Variants in PDE9A observed in about 807,000 individuals in gnomAD.
The protein encoded by PDE9A is high affinity cGMP-specific 3',5'-cyclic phosphodiesterase 9A.
A neutral mutation model predicts 87.4 loss-of-function variants in PDE9A; 60 were observed. The ratio of observed to expected loss-of-function variants is 0.69; its 90% CI spans 0.56 to 0.85. PDE9A has a LOEUF of 0.85. Ranked by LOEUF, PDE9A falls within the 40% of genes least tolerant of loss-of-function variation. The pLI, the probability that PDE9A is intolerant of heterozygous loss-of-function variation, is 0.00. For synonymous variants in PDE9A, 272 were observed against 279.4 expected (o/e 0.97, Z 0.27); for missense variants, 665 against 779.0 (o/e 0.85, Z 1.74).
intron 1 of PDE9A, among the ~76,000 whole-genome samples, chr21:42,677,564 C>G (rs1177439557): frequency 6.6e-6 from 1 of 152,220 alleles, no homozygotes; most frequent in African/African-American, 2.4e-5. Flanking sequence ...CACATCAACA[C>G]TGTTCTTTTG....
chr21:42,700,906 T>A (rs930967316), intron 4 of PDE9A: 10 of 152,210 alleles, frequency 6.6e-5, no homozygotes, highest in African/African-American at 2.4e-4. Context: ...GTACTCTAAG[T>A]TATCTCTGGT....
At chr21:42,768,560 T>C in intron 16 of PDE9A, 1 of 1,281,822 alleles carries the variant, frequency 7.8e-7, no homozygotes, top group Non-Finnish European at 9.9e-7. Context: ...CAAGCAGCCT[T>C]GTCAAACAAA....
chr21:42,673,205 A>G (rs187323457), intron 1 of PDE9A, among the ~76,000 whole-genome samples: 1 of 152,296 alleles, frequency 6.6e-6, no homozygotes, highest in African/African-American at 2.4e-5. Flanking sequence ...AGCTGGTAGG[A>G]GGAGGGACTG....
rs569311639 is a variant in PDE9A at position 42,758,949 on chromosome 21, G to A, written c.811-50G>A. The A allele has an allele frequency of 1.7e-5, 24 of 1,416,770 alleles. No homozygotes were observed. The African/African-American group carries it at 3.2e-4, about 19-fold the overall frequency. 87.8% of individuals were successfully genotyped at this position (1,416,770 alleles called of 1,614,324 possible). A position where few individuals can be genotyped will look rare whatever the true frequency, so the allele number is the denominator to read the frequency against. On this transcript the variant is annotated intron_variant, in intron 10 of 19. Coordinates refer to ENST00000291539, the MANE Select transcript of PDE9A (RefSeq NM_002606.3). ...CAGAGGGAAGGAAGCCAGGGGCTGG[G>A]GAGCCGGCCACACAACTGCCCAGTG...
intron 4 of PDE9A, among the ~76,000 whole-genome samples, chr21:42,726,376 A>G (rs62213364): frequency 0.11 from 16,763 of 149,452 alleles, 1,160 homozygotes; most frequent in East Asian, 0.33. Context: ...AAGTCTAAGA[A>G]CTCCCCACCT....
chr21:42,680,120 G>A (rs866155715), intron 1 of PDE9A, among the ~76,000 whole-genome samples: 1 of 152,324 alleles, frequency 6.6e-6, no homozygotes, highest in South Asian at 2.1e-4. Context: ...CTGCCCCCGG[G>A]CTCAGGGCCC....
chr21:42,728,524 T>C (rs529394496), intron 4 of PDE9A, among the ~76,000 whole-genome samples: 2 of 152,374 alleles, frequency 1.3e-5, no homozygotes, highest in East Asian at 3.9e-4. Context: ...TGAGCCAACC[T>C]TATATCCCCA....
In PDE9A at chr21:42,769,222, CACACATAT is replaced by C. The variant is rs1220260736; in HGVS notation, c.1590+76_1590+83del. On this transcript the variant is annotated intron_variant, in intron 17 of 19. Transcript: ENST00000291539. Reference sequence around the variant, plus strand: ...ATACATGCATGCACACACAGGCACACACACATATACACATATGCACACAGGTACACACA... The same window carrying C: ...ATACATGCATGCACACACAGGCACACACACATATGCACACAGGTACACACA... 92 of 1,410,438 alleles carry C rather than the reference CACACATAT, an allele frequency of 6.5e-5. 1 individual carries two copies. The highest frequency in any genetic ancestry group is 5.2e-4 in the African/African-American group (37 of 71,028). 87.4% of individuals were successfully genotyped at this position (1,410,438 alleles called of 1,614,324 possible).
At chr21:42,766,423 C>T (rs890425068) in intron 15 of PDE9A, among the ~76,000 whole-genome samples, 1 of 152,164 alleles carries the variant, frequency 6.6e-6, no homozygotes. Context: ...AGGTGCACCC[C>T]TGGCATTCTT....
rs145975836 is a variant in PDE9A, at chr21:42,655,149, AAC to A, written c.69+1275_69+1276del. The stretch of plus-strand genomic sequence containing the variant: ...TCCAATGCTCACACATCCACTCACA[AAC>A]ACACACACGCACACACGTGCATACA... On this transcript the variant is annotated intron_variant, in intron 1 of 19. Coordinates refer to ENST00000291539, the MANE Select transcript of PDE9A (RefSeq NM_002606.3). 1.8e-3 allele frequency among the ~76,000 whole-genome samples: 271 copies of A among 151,954 alleles called. 4 individuals are homozygous for A. The East Asian group carries it at 0.028, about 16-fold the overall frequency.
chr21:42,718,291 A>C (rs1460818530), intron 4 of PDE9A, among the ~76,000 whole-genome samples: 1 of 151,456 alleles, frequency 6.6e-6, no homozygotes, highest in African/African-American at 2.4e-5. Context: ...TTTTCTTCTT[A>C]TTTATCCTTC....
intron 4 of PDE9A, among the ~76,000 whole-genome samples, chr21:42,701,629 G>C (rs2048395384): frequency 6.6e-6 from 1 of 151,762 alleles, no homozygotes; most frequent in Non-Finnish European, 1.5e-5. Context: ...TAGGGACAAG[G>C]TCTTACAGTA....
intron 8 of PDE9A, among the ~76,000 whole-genome samples, chr21:42,745,971 G>A (rs1183197692): frequency 6.6e-6 from 1 of 152,238 alleles, no homozygotes; most frequent in Non-Finnish European, 1.5e-5. Context: ...TCCCGAAGCT[G>A]CCCCCAGCTC....
chr21:42,766,964 AC>A (rs1182197666), intron 15 of PDE9A, among the ~76,000 whole-genome samples: 2 of 151,508 alleles, frequency 1.3e-5, no homozygotes, highest in South Asian at 2.1e-4. Context: ...CCCCACTCCC[AC>A]CCCACCCCCA....
At chr21:42,726,618 A>ATTTTTTTTTTTTTTTTTT (rs1486108848) in intron 4 of PDE9A, among the ~76,000 whole-genome samples, 1 of 23,048 alleles carries the variant, frequency 4.3e-5, no homozygotes, top group Admixed American at 4.1e-4. Context: ...ATATATATAT[A>ATTTTTTTTTTTTTTTTTT]TATATATTTT....
At chr21:42,773,804 A>C (rs973003204) in intron 19 of PDE9A, among the ~76,000 whole-genome samples, 1 of 151,320 alleles carries the variant, frequency 6.6e-6, no homozygotes, top group Non-Finnish European at 1.5e-5. Flanking sequence ...TCGTCTCAAA[A>C]AATAAAAATA....
Position 42,704,787 on chromosome 21 carries a change from C to T in PDE9A, c.262+5776C>T, listed in dbSNP as rs377183455. Reference sequence around the variant, plus strand: ...GGGGCAGGGTGCAGGGAGGCCAACGCCACACAGCCCCACACCCAGCCTTTC... The same window carrying T: ...GGGGCAGGGTGCAGGGAGGCCAACGTCACACAGCCCCACACCCAGCCTTTC... On this transcript the variant is annotated intron_variant, in intron 4 of 19. Transcript: ENST00000291539. This position sits in a 1 kb window ranked among gnomAD's most constrained non-coding sequence, Gnocchi z 5.3. Among the ~76,000 whole-genome samples the T allele has an allele frequency of 5.5e-4, 84 of 152,348 alleles. No homozygotes were observed. The highest frequency in any genetic ancestry group is 1.9e-3 in the African/African-American group (79 of 41,588).
intron 4 of PDE9A, among the ~76,000 whole-genome samples, chr21:42,699,569 A>ATTTTT (rs1569167797): frequency 6.8e-6 from 1 of 146,438 alleles, no homozygotes; most frequent in Non-Finnish European, 1.5e-5. Context: ...TTTTTTTTTA[A>ATTTTT]AAAAAAACGG....
At chr21:42,685,092 A>G (rs549870639) in intron 1 of PDE9A, among the ~76,000 whole-genome samples, 1 of 152,324 alleles carries the variant, frequency 6.6e-6, no homozygotes, top group Admixed American at 6.5e-5. Flanking sequence ...GTTGGCAGCC[A>G]GGAGCCGGGG....
Sources: gnomAD v4.1 joint callset for allele counts (sites outside exome capture counted in the v4.1 genomes callset) on GRCh38, gnomAD v4.1.1 for gene constraint, Gnocchi (gnomAD v3.1) non-coding constraint, MANE v1.5 for transcripts, NCBI Gene and HGNC (gene_info 2026-07-23, HGNC 2026-07-21) for gene names.